The following FAM3B variants were observed in gnomAD, a reference collection of about 807,000 sequenced individuals.
The protein encoded by FAM3B is protein FAM3B.
FAM3B carries 29 observed loss-of-function variants against 28.4 expected under a neutral mutation model. That is an observed-to-expected ratio of 1.02 (90% confidence interval 0.76 to 1.39). The LOEUF is 1.39. Among genes scored for constraint, FAM3B ranks in the 40% most tolerant of loss-of-function variants. The pLI is 0.00. For synonymous variants in FAM3B, 91 were observed against 103.0 expected (o/e 0.88, Z 0.71); for missense variants, 266 against 293.9 (o/e 0.91, Z 0.69).
intron 2 of FAM3B, among the ~76,000 whole-genome samples, chr21:41,329,106 G>T (rs545480289): frequency 6.6e-6 from 1 of 152,264 alleles, no homozygotes; most frequent in Non-Finnish European, 1.5e-5. Context: ...CACATATTTA[G>T]CATTTTTATG....
chr21:41,337,673 G>A (rs1199461815), intron 2 of FAM3B, among the ~76,000 whole-genome samples: 7 of 151,954 alleles, frequency 4.6e-5, no homozygotes, highest in African/African-American at 1.7e-4. Context: ...GTGTGGGAGT[G>A]GTGTGGTGCG....
At chr21:41,338,245 C>G (rs1245005695) in intron 2 of FAM3B, 133 bp from the exon 3 acceptor site, 9 of 979,746 alleles carry the variant, frequency 9.2e-6, no homozygotes, top group Admixed American at 2.2e-5. Context: ...GTCTGGAAAC[C>G]CTTCCCCCTC....
At chr21:41,330,146 A>AAC (rs927323413) in intron 2 of FAM3B, among the ~76,000 whole-genome samples, 13 of 151,838 alleles carry the variant, frequency 8.6e-5, no homozygotes, top group African/African-American at 2.7e-4. Context: ...AAAAAAAAAA[A>AAC]AAAAACATAA....
chr21:41,322,468 T>A (rs2088815530), intron 1 of FAM3B: 2 of 658,238 alleles, frequency 3.0e-6, no homozygotes, highest in Admixed American at 2.2e-5. Flanking sequence ...CCAGTGCTGG[T>A]GATATGGAAA....
At chr21:41,350,323 C>T (rs2089105568) in intron 7 of FAM3B, among the ~76,000 whole-genome samples, 1 of 152,132 alleles carries the variant, frequency 6.6e-6, no homozygotes, top group East Asian at 1.9e-4. Context: ...CACAGGCTGT[C>T]GTCTTGAGAA....
At chr21:41,317,124 C>T (rs1219147093) in intron 1 of FAM3B, among the ~76,000 whole-genome samples, 3 of 152,234 alleles carry the variant, frequency 2.0e-5, no homozygotes, top group African/African-American at 7.2e-5. Flanking sequence ...CCTGTTTCCC[C>T]GCGCTCGCCA....
chr21:41,313,046 A>G (rs1393655026), upstream of FAM3B, among the ~76,000 whole-genome samples: 1 of 152,192 alleles, frequency 6.6e-6, no homozygotes, highest in Non-Finnish European at 1.5e-5. Flanking sequence ...ATCCTGAAGT[A>G]CGCTCAGCTA....
At chr21:41,349,424 A>G (rs1261745292) in intron 7 of FAM3B, among the ~76,000 whole-genome samples, 1 of 152,116 alleles carries the variant, frequency 6.6e-6, no homozygotes, top group Non-Finnish European at 1.5e-5. Context: ...AAGAGGAGGA[A>G]ATTGTGCTGC....
chr21:41,322,446 C>T (rs79909449), intron 1 of FAM3B: 34,853 of 626,906 alleles, frequency 0.056, 1,364 homozygotes, highest in African/African-American at 0.13. Flanking sequence ...TGCTGGGCAT[C>T]GGCTACTATT....
chr21:41,344,544 T>A lies in FAM3B; in HGVS notation c.346+10T>A. On this transcript the variant is annotated intron_variant, in intron 4 of 7. Coordinates refer to ENST00000357985, the MANE Select transcript of FAM3B (RefSeq NM_058186.4). ...ATTGCCATTGTCAACTGTAAGTTAC[T>A]AAACATTTTCTTTAAACTTCTCTAA... The A allele has an allele frequency of 6.2e-7, 1 of 1,612,324 alleles. No individual in the cohort carries two copies. The highest frequency in any genetic ancestry group is 1.1e-5 in the South Asian group (1 of 91,036).
At chr21:41,350,412 A>G (rs1334424814) in intron 7 of FAM3B, among the ~76,000 whole-genome samples, 5 of 152,144 alleles carry the variant, frequency 3.3e-5, no homozygotes, top group Admixed American at 6.5e-5. Context: ...CACCTGTGAG[A>G]GGTGAATAAA....
intron 7 of FAM3B, among the ~76,000 whole-genome samples, chr21:41,354,670 AG>A (rs2089149679): frequency 1.3e-5 from 2 of 152,098 alleles, no homozygotes; most frequent in African/African-American, 2.4e-5. Flanking sequence ...CACACAATAG[AG>A]GGGCCTATTG....
intron 3 of FAM3B, among the ~76,000 whole-genome samples, chr21:41,340,074 T>A (rs143974897): frequency 1.3e-5 from 2 of 151,620 alleles, no homozygotes; most frequent in East Asian, 3.9e-4. Flanking sequence ...GAAGTTCTCA[T>A]GTTCAAGGTA....
At chr21:41,338,710 T>A (rs956420083) in intron 3 of FAM3B, among the ~76,000 whole-genome samples, 1 of 141,302 alleles carries the variant, frequency 7.1e-6, no homozygotes, top group Non-Finnish European at 1.5e-5. Context: ...TGTATGTGTC[T>A]TGTGTTTAAT....
chr21:41,305,276 C>A (rs1053871861), intron 1 of FAM3B, among the ~76,000 whole-genome samples: 1 of 152,062 alleles, frequency 6.6e-6, no homozygotes, highest in Non-Finnish European at 1.5e-5. Flanking sequence ...GCGATATGCC[C>A]TTGGCTTGAG....
chr21:41,341,656 T>C (rs2089008169), intron 3 of FAM3B, among the ~76,000 whole-genome samples: 1 of 152,280 alleles, frequency 6.6e-6, no homozygotes, highest in Non-Finnish European at 1.5e-5. Context: ...ACGTTGGATG[T>C]AGCTGTTGTT....
At chr21:41,337,622 G>T (rs1273211474) in intron 2 of FAM3B, among the ~76,000 whole-genome samples, 1 of 152,136 alleles carries the variant, frequency 6.6e-6, no homozygotes, top group African/African-American at 2.4e-5. Context: ...GAGTGTATGT[G>T]TGACTGTGTG....
In FAM3B at chr21:41,326,889, G is replaced by A. The variant is rs1484325343; in HGVS notation, c.163+3823G>A. On this transcript the variant is annotated intron_variant, in intron 2 of 7. Transcript: ENST00000357985. The surrounding 1 kb of genome is among the most constrained non-coding windows in gnomAD (Gnocchi z 4.0). Reference sequence around the variant, plus strand: ...GGGGCCCTTTTCACCCAAGCTCCTCGTTTCCCTTCACCTAAGTTTAGCAGC... The same window carrying A: ...GGGGCCCTTTTCACCCAAGCTCCTCATTTCCCTTCACCTAAGTTTAGCAGC... 3.3e-5 allele frequency among the ~76,000 whole-genome samples: 5 copies of A among 152,188 alleles called. No homozygotes were observed. The highest frequency in any genetic ancestry group is 6.5e-5 in the Admixed American group (1 of 15,286).
intron 1 of FAM3B, chr21:41,304,331 C>T (rs1200276022): frequency 6.6e-6 from 3 of 455,392 alleles, no homozygotes; most frequent in Middle Eastern, 3.4e-4. Flanking sequence ...GCGGGGCTGG[C>T]GTGGGGAGGG....
Sources: allele counts gnomAD v4.1 joint callset (sites outside exome capture counted in the v4.1 genomes callset), GRCh38; gene constraint gnomAD v4.1.1; non-coding constraint Gnocchi (gnomAD v3.1); transcripts MANE v1.5; gene names NCBI Gene and HGNC (gene_info 2026-07-23, HGNC 2026-07-21).